Variants in NDUFA7 observed in about 807,000 individuals in gnomAD.
NDUFA7 encodes the protein NADH:ubiquinone oxidoreductase subunit A7, also known as NADH dehydrogenase [ubiquinone] 1 alpha subcomplex subunit 7.
NDUFA7 carries 18 observed loss-of-function variants against 14.2 expected under a neutral mutation model. The ratio of observed to expected loss-of-function variants is 1.27; its 90% CI spans 0.88 to 1.88. The LOEUF (loss-of-function observed/expected upper bound fraction) is 1.88. Among genes scored for constraint, NDUFA7 ranks in the 40% most tolerant of loss-of-function variants. The pLI, the probability that NDUFA7 is intolerant of heterozygous loss-of-function variation, is 0.00. For missense variants in NDUFA7, 172 were observed against 147.3 expected, an observed-to-expected ratio of 1.17 and a Z score of -0.87; for synonymous variants, 75 against 62.1, an observed-to-expected ratio of 1.21 and a Z score of -0.98.
chr19:8,309,419 C>T (rs769353046), downstream of NDUFA7, among the ~76,000 whole-genome samples: 5 of 151,320 alleles, frequency 3.3e-5, no homozygotes, highest in African/African-American at 4.9e-5. Context: ...GGTTGCAGTG[C>T]GCCGAGACCA....
intron 3 of NDUFA7, 32 bp downstream of exon 3, chr19:8,316,464 G>A (rs1365835137): frequency 3.7e-6 from 6 of 1,611,056 alleles, no homozygotes; most frequent in Non-Finnish European, 5.1e-6. Flanking sequence ...GGGGGCATGG[G>A]GGCTGTGGTG....
intron 3 of NDUFA7, among the ~76,000 whole-genome samples, chr19:8,314,980 C>A (rs1382574566): frequency 6.6e-6 from 1 of 152,154 alleles, no homozygotes; most frequent in Non-Finnish European, 1.5e-5. Flanking sequence ...TAATCTTACC[C>A]CCAACCCTGT....
At chr19:8,310,318 AC>A (rs1970162986), downstream of NDUFA7, among the ~76,000 whole-genome samples, 1 of 151,974 alleles carries the variant, frequency 6.6e-6, no homozygotes, top group South Asian at 2.1e-4. Context: ...AATCCCAGCT[AC>A]TCGGGAGGCT....
At chr19:8,319,113 G>A (rs1031505734) in intron 2 of NDUFA7, among the ~76,000 whole-genome samples, 1 of 151,654 alleles carries the variant, frequency 6.6e-6, no homozygotes, top group African/African-American at 2.4e-5. Context: ...TAGGGGGGTC[G>A]GGGGTTGGGG....
At position 8,318,663 on chromosome 19, in the gene NDUFA7, CAAAAAAAAAAAAAA is replaced by C. The variant is rs35904087; in HGVS notation, c.102-2032_102-2019del. Among the ~76,000 whole-genome samples, 7 of 41,072 alleles carry C rather than the reference CAAAAAAAAAAAAAA, an allele frequency of 1.7e-4. No homozygotes were observed. The Admixed American group carries it at 2.5e-3, about 14-fold the overall frequency. The allele number at this position is 41,072 out of a possible 152,430, so 26.9% of individuals were successfully genotyped here. On this transcript the variant is annotated intron_variant, in intron 2 of 3. Coordinates refer to ENST00000301457, the MANE Select transcript of NDUFA7 (RefSeq NM_005001.5). ...CCTGGGTCACAGAAACCCAGTCTTA[CAAAAAAAAAAAAAA>C]AAAAAAAAAAAAAAGGCCAGGCGCG...
chr19:8,319,094 A>G (rs1012971803), intron 2 of NDUFA7, among the ~76,000 whole-genome samples: 1 of 150,106 alleles, frequency 6.7e-6, no homozygotes, highest in African/African-American at 2.4e-5. Context: ...ACCCTGATAG[A>G]AAGCCAACTA....
chr19:8,315,912 T>C (rs531608051), intron 3 of NDUFA7, among the ~76,000 whole-genome samples: 2 of 151,732 alleles, frequency 1.3e-5, no homozygotes, highest in East Asian at 3.9e-4. Context: ...CCTAGCACTT[T>C]GGGAGGCCGA....
intron 3 of NDUFA7, 71 bp downstream of exon 3, chr19:8,316,425 C>T: frequency 6.3e-7 from 1 of 1,578,072 alleles, no homozygotes; most frequent in African/African-American, 1.3e-5. Context: ...ACCCTTTCCA[C>T]AAGTTGGGAG....
At chr19:8,314,642 G>A (rs1263888960) in intron 3 of NDUFA7, among the ~76,000 whole-genome samples, 3 of 152,174 alleles carry the variant, frequency 2.0e-5, no homozygotes, top group Non-Finnish European at 4.4e-5. Flanking sequence ...GGCCGGGCAT[G>A]GTGGCTCACG....
rs570688344 is a variant in NDUFA7, at chr19:8,315,933, T to C, written c.251+563A>G. Among the ~76,000 whole-genome samples, 13 of 151,628 alleles carry C rather than the reference T, an allele frequency of 8.6e-5. No homozygotes were observed. The South Asian group carries it at 2.1e-3, about 24-fold the overall frequency. On this transcript the variant is annotated intron_variant, in intron 3 of 3. Transcript: ENST00000301457. ...ACTTTGGGAGGCCGAGTCGGGTGGA[T>C]CACAAGGTCAGTTCAAGACCAGCCT...
chr19:8,314,139 T>A (rs1365438979), intron 3 of NDUFA7, among the ~76,000 whole-genome samples: 1 of 151,828 alleles, frequency 6.6e-6, no homozygotes. Context: ...CTGACCAACA[T>A]GGTGAAACCC....
downstream of NDUFA7, chr19:8,308,908 A>T (rs1350843950): frequency 6.6e-6 from 1 of 152,060 alleles, no homozygotes; most frequent in Non-Finnish European, 1.5e-5. Context: ...AAGGAAAGGA[A>T]ATCAATTAAT....
At chr19:8,318,977 A>G (rs1219550940) in intron 2 of NDUFA7, among the ~76,000 whole-genome samples, 1 of 138,570 alleles carries the variant, frequency 7.2e-6, no homozygotes, top group Non-Finnish European at 1.5e-5. Context: ...TCAAAAAAGA[A>G]AAAAAAAAAA....
intron 2 of NDUFA7, among the ~76,000 whole-genome samples, chr19:8,317,579 C>T (rs907320694): frequency 1.3e-5 from 2 of 152,260 alleles, no homozygotes; most frequent in African/African-American, 4.8e-5. Context: ...CAGCAAAAAC[C>T]GTAAATTGAT....
intron 3 of NDUFA7, 35 bp downstream of exon 3, chr19:8,316,461 T>C (rs372157683): frequency 9.9e-5 from 160 of 1,609,046 alleles, no homozygotes; most frequent in Non-Finnish European, 1.3e-4. Flanking sequence ...GGAGGGGGCA[T>C]GGGGGCTGTG....
At position 8,320,914 on chromosome 19, in the gene NDUFA7, A is replaced by AAG; in HGVS notation, c.52-10_52-9dup. The AAG allele has an allele frequency of 5.0e-6, 8 of 1,613,650 alleles. No homozygotes were observed. The highest frequency in any genetic ancestry group is 1.1e-5 in the South Asian group (1 of 91,084). ...CTTCCCCTGCAGGTCATGCTGTGGG[A>AAG]AGAGGAGAGGAGAGGTCGGCCTGCA... On this transcript the variant is annotated splice_polypyrimidine_tract_variant and intron_variant, in intron 1 of 3. Coordinates refer to ENST00000301457, the MANE Select transcript of NDUFA7 (RefSeq NM_005001.5).
At chr19:8,316,864 A>C in intron 2 of NDUFA7, 1 of 551,630 alleles carries the variant, frequency 1.8e-6, no homozygotes, top group Non-Finnish European at 3.2e-6. Flanking sequence ...GGATGTGAAG[A>C]TGCCACCCCC....
downstream of NDUFA7, among the ~76,000 whole-genome samples, chr19:8,310,020 C>G (rs1970156076): frequency 1.3e-5 from 2 of 152,334 alleles, no homozygotes; most frequent in Admixed American, 1.3e-4. Flanking sequence ...TGTGAGCAGC[C>G]CTTACTGTCC....
rs190249134 is a variant in NDUFA7 at position 8,315,712 on chromosome 19, G to A, written c.251+784C>T. 2.6e-3 allele frequency among the ~76,000 whole-genome samples: 395 copies of A among 152,160 alleles called. 1 individual carries two copies. The highest frequency in any genetic ancestry group is 4.6e-3 in the Non-Finnish European group (312 of 68,008). ...CTGAGCGCTGGTCCCCTGGTCACCC[G>A]ATTTCTTTCTCTATACTTTGTCTGT... On this transcript the variant is annotated intron_variant, in intron 3 of 3. Transcript: ENST00000301457.
Sources: gnomAD v4.1 joint callset for allele counts (sites outside exome capture counted in the v4.1 genomes callset) on GRCh38, gnomAD v4.1.1 for gene constraint, MANE v1.5 for transcripts, NCBI Gene and HGNC (gene_info 2026-07-23, HGNC 2026-07-21) for gene names.